Variants in MYO3A observed in about 807,000 individuals in gnomAD.
MYO3A encodes myosin-IIIa.
Under a neutral mutation model 192.7 loss-of-function variants are expected in MYO3A, and 180 were observed. The observed-to-expected ratio is 0.93, with a 90% CI of 0.83 to 1.06. The LOEUF is 1.06. MYO3A is among the 50% of genes least tolerant of loss of function. MYO3A has a pLI of 0.00. For missense variants in MYO3A, 1,896 were observed against 1,905.0 expected (o/e 1.00, Z 0.09); for synonymous variants, 628 against 645.3 (o/e 0.97, Z 0.41).
chr10:26,024,055 A>G lies in MYO3A; in HGVS notation c.765A>G (p.Leu255=). 1 of 1,613,202 alleles carries G rather than the reference A, an allele frequency of 6.2e-7. No homozygotes were observed. Among genetic ancestry groups the G allele is most frequent in the Non-Finnish European group, 8.5e-7 (1 of 1,179,254 alleles). ...NPPPKLRQPE[L]WSAEFNDFIS... is the part of the protein sequence containing the mutation. ...CCCCAAAACTAAGGCAGCCTGAGCT[A>G]TGGTCAGCAGAATTCAATGACTTCA... is the stretch of plus-strand genomic sequence containing the variant. The change falls in exon 9 of 35, where the codon CTA becomes CTG. Residue 255 remains leucine, a synonymous_variant. Coordinates refer to ENST00000642920, the MANE Select transcript of MYO3A (RefSeq NM_017433.5).
intron 2 of MYO3A, among the ~76,000 whole-genome samples, chr10:25,947,053 A>G (rs1165939689): frequency 6.6e-6 from 1 of 151,570 alleles, no homozygotes; most frequent in Non-Finnish European, 1.5e-5. Context: ...CATAATGTAT[A>G]TATTGGTCTT....
At chr10:26,022,349 T>G (rs1230303940) in intron 8 of MYO3A, 1 of 152,190 alleles carries the variant, frequency 6.6e-6, no homozygotes, top group Admixed American at 6.5e-5. Context: ...TTATTAAAGG[T>G]GTTATTTTTA....
chr10:26,193,813 G>C (rs749787893), intron 32 of MYO3A, among the ~76,000 whole-genome samples: 5 of 152,174 alleles, frequency 3.3e-5, no homozygotes, highest in Non-Finnish European at 5.9e-5. Context: ...TCTCAGATCA[G>C]GATTCTGAGA....
At chr10:26,125,636 T>C in intron 19 of MYO3A, 28 bp downstream of exon 19, 1 of 1,580,368 alleles carries the variant, frequency 6.3e-7, no homozygotes, top group Non-Finnish European at 8.7e-7. Flanking sequence ...AACATTTTTT[T>C]CCCAAATGTC....
At chr10:25,994,459 C>T (rs186988517) in intron 4 of MYO3A, among the ~76,000 whole-genome samples, 5,929 of 152,246 alleles carry the variant, frequency 0.039, 428 homozygotes, top group African/African-American at 0.13. Flanking sequence ...GGTCTTGACT[C>T]TTTATCCAAT....
At chr10:25,967,187 T>G (rs1342174883) in intron 4 of MYO3A, among the ~76,000 whole-genome samples, 1 of 152,178 alleles carries the variant, frequency 6.6e-6, no homozygotes, top group African/African-American at 2.4e-5. Flanking sequence ...AATATTTAAC[T>G]GAAAACCCAC....
intron 31 of MYO3A, among the ~76,000 whole-genome samples, chr10:26,184,124 A>G (rs1235526220): frequency 1.3e-5 from 2 of 151,976 alleles, no homozygotes; most frequent in Admixed American, 6.6e-5. Flanking sequence ...GGCAGAGAGG[A>G]CTCCTTTGGA....
chr10:26,129,355 G>A (rs183300784), intron 20 of MYO3A, among the ~76,000 whole-genome samples: 6 of 152,204 alleles, frequency 3.9e-5, no homozygotes, highest in African/African-American at 1.4e-4. Context: ...TTATCTAGTT[G>A]TTCAGCTCTT....
At chr10:26,008,564 G>C (rs879644202) in intron 6 of MYO3A, among the ~76,000 whole-genome samples, 1 of 150,236 alleles carries the variant, frequency 6.7e-6, no homozygotes, top group Non-Finnish European at 1.5e-5. Context: ...AAAAGTGGGC[G>C]AAGGATATGA....
At chr10:26,026,155 T>A (rs896681973) in intron 9 of MYO3A, among the ~76,000 whole-genome samples, 1 of 144,682 alleles carries the variant, frequency 6.9e-6, no homozygotes, top group Non-Finnish European at 1.6e-5. Flanking sequence ...CACTGCAGCT[T>A]AATCACTCAC....
chr10:26,210,574 C>T (rs1844177853), intron 34 of MYO3A, among the ~76,000 whole-genome samples: 1 of 152,236 alleles, frequency 6.6e-6, no homozygotes, highest in African/African-American at 2.4e-5. Flanking sequence ...AACAGGCCTT[C>T]CTACTTTCAT....
intron 20 of MYO3A, among the ~76,000 whole-genome samples, chr10:26,131,875 T>C (rs1839554906): frequency 1.3e-5 from 2 of 152,314 alleles, no homozygotes; most frequent in East Asian, 1.9e-4. Flanking sequence ...CCAAGAAGTA[T>C]AGTTGTAATT....
chr10:26,053,990 G>C (rs1844167028), intron 10 of MYO3A, among the ~76,000 whole-genome samples: 1 of 152,148 alleles, frequency 6.6e-6, no homozygotes, highest in Non-Finnish European at 1.5e-5. Flanking sequence ...AGAAGAGTCA[G>C]CCTTTGAGGC....
chr10:26,077,970 T>C lies in MYO3A; in HGVS notation c.1359+7569T>C, dbSNP rs557956628. 2.6e-5 allele frequency among the ~76,000 whole-genome samples: 4 copies of C among 152,182 alleles called. No individual in the cohort carries two copies. The East Asian group carries it at 7.7e-4, about 29-fold the overall frequency. On this transcript the variant is annotated intron_variant, in intron 14 of 34. Coordinates refer to ENST00000642920, the MANE Select transcript of MYO3A (RefSeq NM_017433.5). ...GGTCTGTAGTTTTCTTTTTTGGTTATATCCTTTCCTGGTTTTGGTATTAGG... is the reference window on the plus strand; with the variant it reads ...GGTCTGTAGTTTTCTTTTTTGGTTACATCCTTTCCTGGTTTTGGTATTAGG...
intron 19 of MYO3A, 123 bp downstream of exon 19, chr10:26,125,731 AAAATG>A: frequency 1.0e-5 from 9 of 878,354 alleles, no homozygotes; most frequent in Non-Finnish European, 1.6e-5. Flanking sequence ...TTAAATTATT[AAAATG>A]ATAATTTAGT....
In MYO3A at chr10:26,125,511, G is replaced by C. The variant is rs749264627; in HGVS notation, c.2017G>C (p.Asp673His). The change falls in exon 19 of 35, where the codon GAT (aspartate) becomes CAT (histidine). Residue 673 changes from aspartate (D) to histidine (H), a missense_variant. Coordinates refer to ENST00000642920, the MANE Select transcript of MYO3A (RefSeq NM_017433.5). ...ACCCAATACTGTAGAAAAAGCTACC[G>C]ATGTCAGGGATGCCATGGCTAAAAC... ...IRPNTVEKAT[D>H]VRDAMAKTLY... 6 of 1,613,958 alleles carry C rather than the reference G, an allele frequency of 3.7e-6. No homozygotes were observed. Among genetic ancestry groups the C allele is most frequent in the African/African-American group, 1.3e-5 (1 of 74,922 alleles).
At chr10:26,014,551 A>G (rs1281177771) in intron 6 of MYO3A, among the ~76,000 whole-genome samples, 2 of 152,150 alleles carry the variant, frequency 1.3e-5, no homozygotes, top group African/African-American at 2.4e-5. Flanking sequence ...AGTCTTACCA[A>G]ATACTGTTTG....
intron 10 of MYO3A, among the ~76,000 whole-genome samples, chr10:26,037,986 C>A (rs996953872): frequency 6.6e-6 from 1 of 152,116 alleles, no homozygotes; most frequent in African/African-American, 2.4e-5. Context: ...CATATCAGCA[C>A]CTTTGTGAAA....
intron 10 of MYO3A, among the ~76,000 whole-genome samples, chr10:26,040,380 G>T (rs925743132): frequency 5.3e-5 from 8 of 152,052 alleles, no homozygotes; most frequent in Non-Finnish European, 7.4e-5. Flanking sequence ...TGCATCAAAT[G>T]AATCTTCAGC....
Sources: gnomAD v4.1 joint callset for allele counts (sites outside exome capture counted in the v4.1 genomes callset) on GRCh38, gnomAD v4.1.1 for gene constraint, MANE v1.5 for transcripts, NCBI Gene and HGNC (gene_info 2026-07-23, HGNC 2026-07-21) for gene names.